SLC43A2: variants seen among roughly 807,000 people sequenced by gnomAD.
SLC43A2 encodes the protein solute carrier family 43 member 2, also known as large neutral amino acids transporter small subunit 4.
Under a neutral mutation model 63.2 loss-of-function variants are expected in SLC43A2, and 38 were observed. That is an observed-to-expected ratio of 0.60 (90% CI 0.46 to 0.79). The LOEUF (loss-of-function observed/expected upper bound fraction) is 0.79. SLC43A2 is among the 30% of genes least tolerant of loss of function. The pLI is 0.00. For missense variants in SLC43A2, 644 were observed against 756.2 expected, an observed-to-expected ratio of 0.85 and a Z score of 1.74; for synonymous variants, 322 against 331.0, an observed-to-expected ratio of 0.97 and a Z score of 0.30.
chr17:1,593,882 C>G lies in SLC43A2; in HGVS notation c.502-603G>C, dbSNP rs1322919320. Among the ~76,000 whole-genome samples the G allele has an allele frequency of 2.6e-5, 4 of 152,094 alleles. No individual in the cohort carries two copies. Among genetic ancestry groups the G allele is most frequent in the Non-Finnish European group, 2.9e-5 (2 of 68,016 alleles). ...GAGATGGGGTTTTGCTCTTGTTCCC[C>G]AGGCTGGAGCGCAGTGGTGTGAGCT... On this transcript the variant is annotated intron_variant, in intron 5 of 13. Coordinates refer to ENST00000301335, the MANE Select transcript of SLC43A2 (RefSeq NM_152346.3). This position sits in a 1 kb window ranked among gnomAD's most constrained non-coding sequence, Gnocchi z 5.3.
rs1371844120 is a variant in SLC43A2 at position 1,606,675 on chromosome 17, T to C, written c.501+6520A>G. ...CCGATGAAGCGAGTGCAAAGGGCTGTACAAACGCGAGGCACTGAACAAACA... is the reference window on the plus strand; with the variant it reads ...CCGATGAAGCGAGTGCAAAGGGCTGCACAAACGCGAGGCACTGAACAAACA... On this transcript the variant is annotated intron_variant, in intron 5 of 13. Transcript: ENST00000301335. This position sits in a 1 kb window ranked among gnomAD's most constrained non-coding sequence, Gnocchi z 4.7. 6.6e-6 allele frequency among the ~76,000 whole-genome samples: 1 copy of C among 152,166 alleles called. No individual in the cohort carries two copies. Among genetic ancestry groups the C allele is most frequent in the East Asian group, 1.9e-4 (1 of 5,188 alleles).
At chr17:1,611,173 C>A (rs1251032698) in intron 5 of SLC43A2, among the ~76,000 whole-genome samples, 1 of 151,606 alleles carries the variant, frequency 6.6e-6, no homozygotes, top group Admixed American at 6.6e-5. Context: ...GATTCTTGGT[C>A]GTTTTTCAGA....
intron 2 of SLC43A2, among the ~76,000 whole-genome samples, chr17:1,624,733 A>G (rs1908503045): frequency 6.6e-6 from 1 of 151,984 alleles, no homozygotes; most frequent in Admixed American, 6.6e-5. Context: ...TCTACAAAAA[A>G]TACAAAAATT....
rs183825585 is a variant in SLC43A2 at position 1,590,626 on chromosome 17, G to A, written c.1078+176C>T. Among the ~76,000 whole-genome samples the A allele has an allele frequency of 4.3e-3, 649 of 152,318 alleles. 5 individuals are homozygous for A. Among genetic ancestry groups the A allele is most frequent in the Non-Finnish European group, 6.6e-3 (448 of 68,026 alleles). On this transcript the variant is annotated intron_variant, in intron 9 of 13. Coordinates refer to ENST00000301335, the MANE Select transcript of SLC43A2 (RefSeq NM_152346.3). Reference sequence around the variant, plus strand: ...GACCAGGAAACCCTGATGGGGACACGAAGAAACAGTTGGGGCTGGCAGTGA... The same window carrying A: ...GACCAGGAAACCCTGATGGGGACACAAAGAAACAGTTGGGGCTGGCAGTGA...
At position 1,590,913 on chromosome 17, in the gene SLC43A2, T is replaced by C; in HGVS notation, c.967A>G (p.Ile323Val). The change falls in exon 9 of 14, where the codon ATC (isoleucine) becomes GTC (valine). Residue 323 changes from isoleucine (I) to valine (V), a missense_variant. This residue lies in a region of SLC43A2 where 528 missense variants were observed against 623.6 expected (regional missense o/e 0.85). Transcript: ENST00000301335. ...ATGGTGACCAGGCTGAGCAGCAGGA[T>C]GGGGCTGAACACGCTGTGCATGAAG... ...PSFMHSVFSP[I>V]LLLSLVTMCV... 1.3e-6 allele frequency: 2 copies of C among 1,551,674 alleles called. No individual in the cohort carries two copies.
intron 5 of SLC43A2, among the ~76,000 whole-genome samples, chr17:1,601,155 A>T (rs1254332525): frequency 6.6e-6 from 1 of 152,012 alleles, no homozygotes; most frequent in African/African-American, 2.4e-5. Flanking sequence ...CATTGAAAAT[A>T]GTGGAAGTTT....
chr17:1,609,846 C>T (rs1906937641), intron 5 of SLC43A2, among the ~76,000 whole-genome samples: 1 of 149,160 alleles, frequency 6.7e-6, no homozygotes, highest in African/African-American at 2.5e-5. Flanking sequence ...AAAAGAATAA[C>T]ACTGGTACAT....
At chr17:1,622,345 C>T (rs866324990) in intron 2 of SLC43A2, among the ~76,000 whole-genome samples, 2 of 149,440 alleles carry the variant, frequency 1.3e-5, no homozygotes, top group African/African-American at 2.5e-5. Flanking sequence ...GGGTGGATCA[C>T]GAGGTCAGGA....
chr17:1,615,765 C>A (rs1014879458), intron 3 of SLC43A2, among the ~76,000 whole-genome samples: 2 of 148,796 alleles, frequency 1.3e-5, no homozygotes, highest in African/African-American at 4.9e-5. Context: ...ATAGCGTGAA[C>A]CCGGGAGGCG....
chr17:1,599,190 A>T (rs1420376033), intron 5 of SLC43A2, among the ~76,000 whole-genome samples: 1 of 151,886 alleles, frequency 6.6e-6, no homozygotes, highest in Non-Finnish European at 1.5e-5. Context: ...AATACCAAAA[A>T]TTAGCCGGGT....
At chr17:1,589,510 C>T (rs1162072530) in intron 9 of SLC43A2, among the ~76,000 whole-genome samples, 6 of 152,110 alleles carry the variant, frequency 3.9e-5, no homozygotes, top group Non-Finnish European at 7.4e-5. Flanking sequence ...AAGGCTGCAG[C>T]GTTCACATCA....
chr17:1,596,643 G>A (rs796308812), intron 5 of SLC43A2, among the ~76,000 whole-genome samples: 6 of 151,856 alleles, frequency 4.0e-5, no homozygotes, highest in African/African-American at 1.4e-4. Context: ...GCAGTGGTGC[G>A]ATCTCGGCCC....
chr17:1,617,535 C>T (rs868750710), intron 2 of SLC43A2, among the ~76,000 whole-genome samples: 2 of 152,134 alleles, frequency 1.3e-5, no homozygotes, highest in Middle Eastern at 3.2e-3. Context: ...GGATTACAGG[C>T]ACCTGCCACC....
intron 5 of SLC43A2, among the ~76,000 whole-genome samples, chr17:1,597,090 C>A (rs1161724786): frequency 2.6e-5 from 4 of 152,208 alleles, no homozygotes; most frequent in East Asian, 1.9e-4. Flanking sequence ...GTGGAACATG[C>A]CTGTAATCCC....
chr17:1,597,823 A>AAAAAG (rs1474773269), intron 5 of SLC43A2, among the ~76,000 whole-genome samples: 1 of 152,134 alleles, frequency 6.6e-6, no homozygotes, highest in South Asian at 2.1e-4. Flanking sequence ...AAGAAAAAAG[A>AAAAAG]AAAAGAAAAG....
rs2075829416 is a variant in SLC43A2 at position 1,570,406 on chromosome 17, G to C, written c.*5198C>G. ...AGCTGCTGAAAGTGGCTCTCCTGTT[G>C]TATGGGCTTGGGTGTGGTGTGGTGG... On this transcript the variant is annotated 3_prime_UTR_variant, in exon 14 of 14. Transcript: ENST00000301335. 1 of 152,076 alleles carries C rather than the reference G, an allele frequency of 6.6e-6. No homozygotes were observed. Among genetic ancestry groups the C allele is most frequent in the African/African-American group, 2.4e-5 (1 of 41,332 alleles). The allele number at this position is 152,076 out of a possible 1,614,324, so 9.4% of individuals were successfully genotyped here. A position where few individuals can be genotyped will look rare whatever the true frequency, so the allele number is the denominator to read the frequency against.
chr17:1,621,374 C>T (rs542047478), intron 2 of SLC43A2, among the ~76,000 whole-genome samples: 10 of 152,208 alleles, frequency 6.6e-5, no homozygotes, highest in African/African-American at 2.2e-4. Flanking sequence ...TCCGAGCCCC[C>T]CCTCCAGGGT....
At chr17:1,628,716 C>G (rs1908925490) in intron 1 of SLC43A2, 78 bp downstream of exon 1, 1 of 151,920 alleles carries the variant, frequency 6.6e-6, no homozygotes, top group African/African-American at 2.4e-5. Context: ...CCCACGTTTT[C>G]TCCCTACGCC....
chr17:1,614,997 C>T lies in SLC43A2; in HGVS notation c.406G>A (p.Gly136Arg), dbSNP rs1358058995. 3.1e-6 allele frequency: 5 copies of T among 1,613,822 alleles called. No individual in the cohort carries two copies. The highest frequency in any genetic ancestry group is 1.1e-5 in the South Asian group (1 of 91,078). Residue 136 changes from glycine (G) to arginine (R), a missense_variant, in exon 4 of 14, where the codon GGA becomes AGA. Physicochemically the swap from Gly to Arg is moderately radical, Grantham distance 125. Coordinates refer to ENST00000301335, the MANE Select transcript of SLC43A2 (RefSeq NM_152346.3). Reference protein sequence around the residue: ...FAVSCLLIAYGASKPNALSVL... With the variant: ...FAVSCLLIAYRASKPNALSVL... ...CACTCACCGTTTGGTTTACTTGCTCCGTACGCAATCAGCAAGCAGGAAACC... is the reference window on the plus strand; with the variant it reads ...CACTCACCGTTTGGTTTACTTGCTCTGTACGCAATCAGCAAGCAGGAAACC...
Sources: allele counts gnomAD v4.1 joint callset (sites outside exome capture counted in the v4.1 genomes callset), GRCh38; gene constraint gnomAD v4.1.1; regional missense constraint gnomAD v4.1.1; non-coding constraint Gnocchi (gnomAD v3.1); transcripts MANE v1.5; gene names NCBI Gene and HGNC (gene_info 2026-07-23, HGNC 2026-07-21).